Variants in RALGAPB observed in about 807,000 individuals in gnomAD.
The protein encoded by RALGAPB is Ral GTPase activating protein non-catalytic subunit beta.
Under a neutral mutation model 161.1 loss-of-function variants are expected in RALGAPB, and 25 were observed. The ratio of observed to expected loss-of-function variants is 0.16; its 90% confidence interval spans 0.11 to 0.22. The LOEUF (loss-of-function observed/expected upper bound fraction) is 0.22, where lower values mean the gene tolerates loss of function less well. RALGAPB is among the 10% of genes least tolerant of loss of function. The pLI, the probability that RALGAPB is intolerant of heterozygous loss-of-function variation, is 1.00. For synonymous variants in RALGAPB, 629 were observed against 626.1 expected, an observed-to-expected ratio of 1.00 and a Z score of -0.07; for missense variants, 1,391 against 1,815.2, an observed-to-expected ratio of 0.77 and a Z score of 4.25.
intron 5 of RALGAPB, among the ~76,000 whole-genome samples, chr20:38,501,896 G>A (rs961474353): frequency 6.6e-6 from 1 of 152,030 alleles, no homozygotes; most frequent in Admixed American, 6.6e-5. Flanking sequence ...AAAAAATTAG[G>A]TATGTCGTAG....
rs149742677 is a variant in RALGAPB at position 38,556,506 on chromosome 20, C to T, written c.3373-1789C>T. On this transcript the variant is annotated intron_variant, in intron 22 of 29. Transcript: ENST00000262879. Reference sequence around the variant, plus strand: ...ATAAATGAGACTTAAGGTTGCCATACAAAAAAGTACAAAAATTAATGATTA... The same window carrying T: ...ATAAATGAGACTTAAGGTTGCCATATAAAAAAGTACAAAAATTAATGATTA... Among the ~76,000 whole-genome samples the T allele has an allele frequency of 2.1e-4, 32 of 151,822 alleles. No homozygotes were observed. In the East Asian group the frequency reaches 6.2e-3, roughly 29 times the overall value.
intron 1 of RALGAPB, among the ~76,000 whole-genome samples, chr20:38,482,617 C>T: frequency 6.6e-6 from 1 of 151,940 alleles, no homozygotes; most frequent in East Asian, 1.9e-4. Flanking sequence ...TTAGTAAAGA[C>T]AGGGTTTCAC....
In RALGAPB at chr20:38,539,176, TTTA is replaced by T. The variant is rs200475891; in HGVS notation, c.2380-599_2380-597del. Reference sequence around the variant, plus strand: ...TATGATCTTTATATGACTTTATTTATTTAAACTCTAGAAAATGCAAGCTAATCT... The same window carrying T: ...TATGATCTTTATATGACTTTATTTATAACTCTAGAAAATGCAAGCTAATCT... On this transcript the variant is annotated intron_variant, in intron 16 of 29. Transcript: ENST00000262879. Among the ~76,000 whole-genome samples the T allele has an allele frequency of 4.7e-4, 72 of 152,322 alleles. 3 individuals carry two copies. In the East Asian group the frequency reaches 0.013, roughly 27 times the overall value.
intron 13 of RALGAPB, among the ~76,000 whole-genome samples, chr20:38,530,280 G>A (rs960567388): frequency 6.6e-6 from 1 of 152,210 alleles, no homozygotes; most frequent in African/African-American, 2.4e-5. Context: ...AATGATTACA[G>A]TAGTGCAGTA....
chr20:38,542,833 C>T (rs2087016181), intron 18 of RALGAPB, among the ~76,000 whole-genome samples: 1 of 152,016 alleles, frequency 6.6e-6, no homozygotes, highest in Non-Finnish European at 1.5e-5. Flanking sequence ...CGAGATCACA[C>T]CATCCTGGCA....
intron 2 of RALGAPB, among the ~76,000 whole-genome samples, chr20:38,491,601 A>G (rs1253749757): frequency 6.6e-6 from 1 of 152,226 alleles, no homozygotes; most frequent in Non-Finnish European, 1.5e-5. Context: ...AGAATAGCTT[A>G]AAATTTCTAG....
At chr20:38,544,976 C>T (rs1316201007) in intron 18 of RALGAPB, among the ~76,000 whole-genome samples, 1 of 152,086 alleles carries the variant, frequency 6.6e-6, no homozygotes, top group Non-Finnish European at 1.5e-5. Flanking sequence ...AAGTAATGCA[C>T]AGAACTTTAC....
intron 18 of RALGAPB, among the ~76,000 whole-genome samples, chr20:38,544,554 G>A (rs1000099956): frequency 6.6e-6 from 1 of 152,022 alleles, no homozygotes; most frequent in African/African-American, 2.4e-5. Flanking sequence ...TGCAACTGCC[G>A]CCTCCCAGAG....
At chr20:38,535,013 C>T (rs1362251150) in intron 15 of RALGAPB, 61 bp from the exon 16 acceptor site, 14 of 1,559,124 alleles carry the variant, frequency 9.0e-6, no homozygotes, top group Admixed American at 6.7e-5. Context: ...CTGTGCTTCT[C>T]GTTACTAATG....
At chr20:38,495,318 G>T (rs2085393869) in intron 3 of RALGAPB, among the ~76,000 whole-genome samples, 2 of 151,934 alleles carry the variant, frequency 1.3e-5, no homozygotes, top group African/African-American at 4.8e-5. Context: ...TTAAGATTGA[G>T]TGAAGAGTAA....
At position 38,516,276 on chromosome 20, in the gene RALGAPB, G is replaced by A. The variant is rs146906566; in HGVS notation, c.957G>A (p.Pro319=). The part of the protein sequence containing the change: ...QEQFLNVSGM[P]QELNQYPCLK... ...AGTTCTTGAATGTGAGCGGAATGCC[G>A]CAAGAATTGAATCAGTATCCCTGCC... Residue 319 remains proline (P), a synonymous_variant, in exon 7 of 30, where the codon CCG becomes CCA. Coordinates refer to ENST00000262879, the MANE Select transcript of RALGAPB (RefSeq NM_020336.4). 114 of 1,613,464 alleles carry A rather than the reference G, an allele frequency of 7.1e-5. No homozygotes were observed. The highest frequency in any genetic ancestry group is 2.5e-4 in the East Asian group (11 of 44,862).
intron 2 of RALGAPB, among the ~76,000 whole-genome samples, chr20:38,489,574 A>G (rs1329821052): frequency 5.3e-5 from 8 of 152,216 alleles, no homozygotes; most frequent in Admixed American, 5.2e-4. Flanking sequence ...GCTAAGATGC[A>G]GGATTAAAAC....
In RALGAPB at chr20:38,539,785, A is replaced by T. The variant is rs1242104055; in HGVS notation, c.2389A>T (p.Met797Leu). ...AAATGAATATGCTCAGGTAAAAGTGATGGTTGACTCAGGAGACCGGAAGCG... is the reference window on the plus strand; with the variant it reads ...AAATGAATATGCTCAGGTAAAAGTGTTGGTTGACTCAGGAGACCGGAAGCG... ...LLSGLAKVKVMVDSGDRKRAI... is the reference protein window; with the variant it reads ...LLSGLAKVKVLVDSGDRKRAI... Residue 797 changes from methionine to leucine, a missense_variant, in exon 17 of 30, where the codon ATG becomes TTG. Met to Leu is a conservative substitution (Grantham distance 15). Transcript: ENST00000262879. 1 of 1,613,222 alleles carries T rather than the reference A, an allele frequency of 6.2e-7. No individual in the cohort carries two copies. The highest frequency in any genetic ancestry group is 8.5e-7 in the Non-Finnish European group (1 of 1,179,560).
chr20:38,569,578 C>G, intron 26 of RALGAPB: 1 of 239,890 alleles, frequency 4.2e-6, no homozygotes, highest in Non-Finnish European at 8.4e-6. Flanking sequence ...GAGATAGACT[C>G]AAATCTTTTA....
intron 6 of RALGAPB, among the ~76,000 whole-genome samples, chr20:38,511,185 C>G (rs1332847187): frequency 6.6e-6 from 1 of 152,138 alleles, no homozygotes; most frequent in Non-Finnish European, 1.5e-5. Context: ...AGACACACAC[C>G]ACACTTAATT....
At chr20:38,483,195 T>C (rs1249696344) in intron 1 of RALGAPB, among the ~76,000 whole-genome samples, 2 of 152,210 alleles carry the variant, frequency 1.3e-5, no homozygotes, top group Non-Finnish European at 2.9e-5. Flanking sequence ...GGCCTTATTC[T>C]ATTATTATCC....
At chr20:38,491,127 T>A (rs567593208) in intron 2 of RALGAPB, among the ~76,000 whole-genome samples, 1 of 152,360 alleles carries the variant, frequency 6.6e-6, no homozygotes, top group South Asian at 2.1e-4. Context: ...TCTTTAACAC[T>A]TACTGCAGTT....
rs372974205 is a variant in RALGAPB at position 38,548,678 on chromosome 20, T to C, written c.2903-11T>C. On this transcript the variant is annotated splice_polypyrimidine_tract_variant and intron_variant, in intron 19 of 29. Transcript: ENST00000262879. ...TGAAATTAAAACTTTTATATACATA[T>C]TTTATTCTAGATGATTTTTTCCCCT... is the stretch of plus-strand genomic sequence containing the variant. 5.0e-6 allele frequency: 8 copies of C among 1,597,262 alleles called. No individual in the cohort carries two copies. The South Asian group carries it at 6.7e-5, about 13-fold the overall frequency.
At chr20:38,507,506 C>T (rs1419129029) in intron 5 of RALGAPB, among the ~76,000 whole-genome samples, 1 of 151,884 alleles carries the variant, frequency 6.6e-6, no homozygotes, top group East Asian at 1.9e-4. Context: ...CCCATGGCAG[C>T]TGGGAGCTAC....
Sources: allele counts gnomAD v4.1 joint callset (sites outside exome capture counted in the v4.1 genomes callset), GRCh38; gene constraint gnomAD v4.1.1; transcripts MANE v1.5; gene names NCBI Gene and HGNC (gene_info 2026-07-23, HGNC 2026-07-21).